XKR4: variants seen among roughly 807,000 people sequenced by gnomAD.
XKR4 encodes the protein XK related 4.
A neutral mutation model predicts 53.9 loss-of-function variants in XKR4; 12 were observed. The ratio of observed to expected loss-of-function variants is 0.22; its 90% confidence interval spans 0.14 to 0.36. The LOEUF (loss-of-function observed/expected upper bound fraction) is 0.36. Among genes scored for constraint, XKR4 ranks in the 10% least tolerant of loss-of-function variants. The pLI, the probability that XKR4 is intolerant of heterozygous loss-of-function variation, is 1.00. For synonymous variants in XKR4, 354 were observed against 362.4 expected (o/e 0.98, Z 0.26); for missense variants, 799 against 859.5 (o/e 0.93, Z 0.88).
chr8:55,336,365 G>C (rs537995631), intron 1 of XKR4, among the ~76,000 whole-genome samples: 1 of 152,284 alleles, frequency 6.6e-6, no homozygotes, highest in South Asian at 2.1e-4. Context: ...CAGCCATGTG[G>C]AACTTTAAGT....
chr8:55,259,565 ATGGGGACCCTCGCTTGATG>A (rs369161167), intron 1 of XKR4, among the ~76,000 whole-genome samples: 10 of 152,096 alleles, frequency 6.6e-5, no homozygotes, highest in African/African-American at 2.4e-4. Flanking sequence ...GCTGGAGTGC[ATGGGGACCCTCGCTTGATG>A]TGGGGACCCT....
intron 2 of XKR4, among the ~76,000 whole-genome samples, chr8:55,520,373 G>A (rs1317298559): frequency 6.6e-6 from 1 of 152,248 alleles, no homozygotes; most frequent in Non-Finnish European, 1.5e-5. Flanking sequence ...ATCACTTGAA[G>A]CAAGGAGTTC....
In XKR4 at chr8:55,539,038, G is replaced by A. The variant is rs1347727299; in HGVS notation, c.*14811G>A. The stretch of plus-strand genomic sequence containing the variant: ...GGTGGGAATTCTACTAAAGGATAAA[G>A]GACACAGTGTGAAAACAACATCAGA... On this transcript the variant is annotated 3_prime_UTR_variant, in exon 3 of 3. Coordinates refer to ENST00000327381, the MANE Select transcript of XKR4 (RefSeq NM_052898.2). The A allele has an allele frequency of 6.6e-6, 1 of 152,134 alleles. No individual in the cohort carries two copies. Among genetic ancestry groups the A allele is most frequent in the Non-Finnish European group, 1.5e-5 (1 of 68,028 alleles). The allele number at this position is 152,134 out of a possible 1,614,324, so 9.4% of individuals were successfully genotyped here. A position where few individuals can be genotyped will look rare whatever the true frequency, so the allele number is the denominator to read the frequency against.
intron 2 of XKR4, among the ~76,000 whole-genome samples, chr8:55,482,613 C>T (rs560695610): frequency 3.3e-5 from 5 of 151,736 alleles, no homozygotes; most frequent in East Asian, 1.9e-4. Context: ...AAGTATTATT[C>T]GATGATTCAT....
At chr8:55,157,660 T>C (rs11776133) in intron 1 of XKR4, among the ~76,000 whole-genome samples, 26,715 of 152,158 alleles carry the variant, frequency 0.18, 2,989 homozygotes, top group Middle Eastern at 0.33. Flanking sequence ...TTTTTTTTAT[T>C]CTCACCCTCT....
In XKR4 at chr8:55,539,382, C is replaced by T. The variant is rs1393844091; in HGVS notation, c.*15155C>T. On this transcript the variant is annotated 3_prime_UTR_variant, in exon 3 of 3. Coordinates refer to ENST00000327381, the MANE Select transcript of XKR4 (RefSeq NM_052898.2). ...CACAAAATGGGTTTCAGAAAGTTTA[C>T]CTTGAGAAGTGGGTTTGAAATCATC... The T allele has an allele frequency of 6.6e-6, 1 of 152,112 alleles. No individual in the cohort carries two copies. The highest frequency in any genetic ancestry group is 1.5e-5 in the Non-Finnish European group (1 of 68,014). 9.4% of individuals were successfully genotyped at this position (152,112 alleles called of 1,614,324 possible).
intron 1 of XKR4, among the ~76,000 whole-genome samples, chr8:55,261,772 G>A (rs1441599857): frequency 6.6e-6 from 1 of 151,986 alleles, no homozygotes; most frequent in African/African-American, 2.4e-5. Context: ...GGAAATTCGA[G>A]GAATTTAAAA....
intron 1 of XKR4, among the ~76,000 whole-genome samples, chr8:55,141,515 A>T (rs1258329688): frequency 6.6e-6 from 1 of 152,118 alleles, no homozygotes; most frequent in African/African-American, 2.4e-5. Context: ...CGATGCAATC[A>T]AAGGAGAGAA....
chr8:55,497,434 T>C (rs564864264), intron 2 of XKR4, among the ~76,000 whole-genome samples: 50 of 152,348 alleles, frequency 3.3e-4, no homozygotes, highest in African/African-American at 1.2e-3. Flanking sequence ...AACCAATAAT[T>C]ATTGAATGTT....
intron 1 of XKR4, among the ~76,000 whole-genome samples, chr8:55,213,687 T>A (rs1199710309): frequency 6.6e-6 from 1 of 152,116 alleles, no homozygotes; most frequent in Non-Finnish European, 1.5e-5. Context: ...CCTCCCAAGG[T>A]AGTTCAGCCT....
At chr8:55,410,746 A>C (rs566168780) in intron 2 of XKR4, among the ~76,000 whole-genome samples, 1 of 152,166 alleles carries the variant, frequency 6.6e-6, no homozygotes, top group Non-Finnish European at 1.5e-5. Flanking sequence ...TCCCTGTAAC[A>C]CAGGTGTCTC....
At chr8:55,249,616 T>C (rs1466608632) in intron 1 of XKR4, among the ~76,000 whole-genome samples, 1 of 152,220 alleles carries the variant, frequency 6.6e-6, no homozygotes, top group East Asian at 1.9e-4. Context: ...TAGATTATGT[T>C]CTTTCCAGTT....
chr8:55,457,146 C>CTTTTCTTTTCTT (rs533607534), intron 2 of XKR4, among the ~76,000 whole-genome samples: 5 of 137,264 alleles, frequency 3.6e-5, no homozygotes, highest in South Asian at 4.6e-4. Context: ...TTTTCCTTTT[C>CTTTTCTTTTCTT]TTTTTTTTTT....
intron 1 of XKR4, among the ~76,000 whole-genome samples, chr8:55,244,012 C>A (rs1818248279): frequency 2.0e-5 from 3 of 152,140 alleles, no homozygotes. Context: ...TTGAAAAAAC[C>A]AAATATCCAA....
intron 1 of XKR4, among the ~76,000 whole-genome samples, chr8:55,147,526 C>A (rs1417153169): frequency 6.6e-6 from 1 of 152,196 alleles, no homozygotes; most frequent in African/African-American, 2.4e-5. Context: ...GATTCTAGTT[C>A]ACATGCTTTT....
rs531459676 is a variant in XKR4 at position 55,451,634 on chromosome 8, C to T, written c.1007-71647C>T. 5.0e-5 allele frequency: 78 copies of T among 1,548,554 alleles called. No homozygotes were observed. The African/African-American group carries it at 9.5e-4, about 19-fold the overall frequency. ...CGGTTCTGGCGGTAGCAGTAGGACA[C>T]GCGCTGCAGGGCGTTGTCCTGGACA... On this transcript the variant is annotated intron_variant, in intron 2 of 2. Transcript: ENST00000327381.
At chr8:55,240,774 T>G (rs190014846) in intron 1 of XKR4, among the ~76,000 whole-genome samples, 6 of 152,328 alleles carry the variant, frequency 3.9e-5, no homozygotes, top group Middle Eastern at 6.8e-3. Context: ...ACATACTAAC[T>G]TTATGGCCGT....
intron 1 of XKR4, 77 bp downstream of exon 1, chr8:55,103,371 C>CT: frequency 6.6e-7 from 1 of 1,514,520 alleles, no homozygotes; most frequent in East Asian, 2.3e-5. Flanking sequence ...GCACGGAAAT[C>CT]TTTCAGGGTT....
At chr8:55,290,979 T>C (rs1488596384) in intron 1 of XKR4, among the ~76,000 whole-genome samples, 3 of 152,118 alleles carry the variant, frequency 2.0e-5, no homozygotes, top group African/African-American at 7.2e-5. Flanking sequence ...TTTTCTCCCA[T>C]TTTTTTCCTA....
Sources: allele counts gnomAD v4.1 joint callset (sites outside exome capture counted in the v4.1 genomes callset), GRCh38; gene constraint gnomAD v4.1.1; transcripts MANE v1.5; gene names NCBI Gene and HGNC (gene_info 2026-07-23, HGNC 2026-07-21).